UNC5D: variants seen among roughly 807,000 people sequenced by gnomAD.
The protein encoded by UNC5D is unc-5 netrin receptor D.
Under a neutral mutation model 105.4 loss-of-function variants are expected in UNC5D, and 39 were observed. That is an observed-to-expected ratio of 0.37 (90% confidence interval 0.29 to 0.48). UNC5D has a LOEUF of 0.48. Ranked by LOEUF, UNC5D falls within the 20% of genes least tolerant of loss-of-function variation. The probability of loss-of-function intolerance (pLI) is 0.98; values close to 1 mark genes in which losing one functional copy is unlikely to be tolerated. For missense variants in UNC5D, 991 were observed against 1,202.4 expected, an observed-to-expected ratio of 0.82 and a Z score of 2.60; for synonymous variants, 452 against 450.4, an observed-to-expected ratio of 1.00 and a Z score of -0.04.
At chr8:35,350,442 C>T (rs1035919200) in intron 1 of UNC5D, among the ~76,000 whole-genome samples, 1 of 151,940 alleles carries the variant, frequency 6.6e-6, no homozygotes, top group Admixed American at 6.6e-5. Flanking sequence ...AAGTGCCTAG[C>T]ATGTAGTAGG....
At chr8:35,732,129 G>T (rs1486109652) in intron 11 of UNC5D, among the ~76,000 whole-genome samples, 1 of 152,072 alleles carries the variant, frequency 6.6e-6, no homozygotes, top group Non-Finnish European at 1.5e-5. Context: ...GATTATTTTT[G>T]TTGTTGTTAG....
intron 1 of UNC5D, among the ~76,000 whole-genome samples, chr8:35,541,109 G>T (rs2130630156): frequency 6.6e-6 from 1 of 152,288 alleles, no homozygotes; most frequent in South Asian, 2.1e-4. Flanking sequence ...ATTGAGCAAA[G>T]AACTGTTCAC....
chr8:35,457,662 C>T (rs1231217218), intron 1 of UNC5D, among the ~76,000 whole-genome samples: 3 of 152,044 alleles, frequency 2.0e-5, no homozygotes. Context: ...TTGAATTGTG[C>T]CCTAATGCCC....
chr8:35,384,160 A>T (rs1283316242), intron 1 of UNC5D, among the ~76,000 whole-genome samples: 1 of 151,328 alleles, frequency 6.6e-6, no homozygotes, highest in African/African-American at 2.4e-5. Context: ...GCGGAGTTGC[A>T]GTAAGCCGAG....
chr8:35,510,329 A>C (rs974216475), intron 1 of UNC5D, among the ~76,000 whole-genome samples: 2 of 151,656 alleles, frequency 1.3e-5, no homozygotes, highest in African/African-American at 4.9e-5. Flanking sequence ...AAAAAAAAAA[A>C]AAACACTTTG....
intron 1 of UNC5D, among the ~76,000 whole-genome samples, chr8:35,327,659 A>C (rs1810276035): frequency 1.3e-5 from 2 of 152,164 alleles, no homozygotes; most frequent in Admixed American, 1.3e-4. Flanking sequence ...GTTGATCCCT[A>C]AACTGCTTAA....
At chr8:35,369,598 C>A (rs1052889343) in intron 1 of UNC5D, among the ~76,000 whole-genome samples, 7 of 152,136 alleles carry the variant, frequency 4.6e-5, no homozygotes, top group African/African-American at 1.7e-4. Context: ...GGGACTTAGT[C>A]TAGTTGGCCA....
At chr8:35,653,875 C>T (rs1242834934) in intron 4 of UNC5D, among the ~76,000 whole-genome samples, 1 of 152,084 alleles carries the variant, frequency 6.6e-6, no homozygotes, top group Non-Finnish European at 1.5e-5. Context: ...TATCATCAGT[C>T]TTTGCAAATC....
chr8:35,378,333 C>T (rs1208135378), intron 1 of UNC5D, among the ~76,000 whole-genome samples: 2 of 152,186 alleles, frequency 1.3e-5, no homozygotes, highest in Non-Finnish European at 2.9e-5. Flanking sequence ...TCTTGCCGTA[C>T]TTCCCTGGAG....
chr8:35,777,990 C>T (rs1323271952), intron 16 of UNC5D, among the ~76,000 whole-genome samples: 1 of 152,126 alleles, frequency 6.6e-6, no homozygotes, highest in Non-Finnish European at 1.5e-5. Flanking sequence ...ACTATGATCA[C>T]ACTAAACTAA....
At chr8:35,443,340 G>C (rs1028992696) in intron 1 of UNC5D, among the ~76,000 whole-genome samples, 11 of 151,696 alleles carry the variant, frequency 7.3e-5, no homozygotes, top group African/African-American at 2.7e-4. Flanking sequence ...AGGGCATGGA[G>C]ATCATTCTGT....
intron 4 of UNC5D, among the ~76,000 whole-genome samples, chr8:35,601,023 G>C (rs1415434190): frequency 6.6e-6 from 1 of 152,040 alleles, no homozygotes; most frequent in African/African-American, 2.4e-5. Context: ...CATATGGCTA[G>C]CCAGTTTTCC....
intron 1 of UNC5D, among the ~76,000 whole-genome samples, chr8:35,413,745 C>A (rs1193196953): frequency 6.6e-6 from 1 of 152,024 alleles, no homozygotes; most frequent in Non-Finnish European, 1.5e-5. Flanking sequence ...ATGCCATGTA[C>A]AAGTACTGAG....
intron 12 of UNC5D, 41 bp downstream of exon 12, chr8:35,748,736 G>A (rs772983852): frequency 1.9e-6 from 3 of 1,597,590 alleles, no homozygotes; most frequent in Middle Eastern, 1.7e-4. Context: ...TGGGATTTGG[G>A]TTCCACCTAT....
chr8:35,556,956 T>C (rs192330538), intron 2 of UNC5D, among the ~76,000 whole-genome samples: 12 of 152,252 alleles, frequency 7.9e-5, no homozygotes, highest in Admixed American at 7.2e-4. Flanking sequence ...ATACAAGTGG[T>C]ACAATATATG....
At chr8:35,375,026 A>G (rs963677827) in intron 1 of UNC5D, among the ~76,000 whole-genome samples, 19 of 152,210 alleles carry the variant, frequency 1.2e-4, no homozygotes, top group African/African-American at 4.6e-4. Flanking sequence ...AAAATCCTAT[A>G]TAATAGAAAA....
At chr8:35,321,603 CA>C (rs1398913295) in intron 1 of UNC5D, among the ~76,000 whole-genome samples, 14 of 152,188 alleles carry the variant, frequency 9.2e-5, no homozygotes, top group African/African-American at 3.4e-4. Context: ...ATCACCCAGT[CA>C]TGGGCATTTC....
At chr8:35,267,373 T>G (rs547502521) in intron 1 of UNC5D, among the ~76,000 whole-genome samples, 16 of 152,286 alleles carry the variant, frequency 1.1e-4, no homozygotes, top group African/African-American at 3.1e-4. Context: ...AGAACAAGAC[T>G]GTTAAATTAG....
At chr8:35,388,769 C>G (rs2128938905) in intron 1 of UNC5D, among the ~76,000 whole-genome samples, 1 of 152,242 alleles carries the variant, frequency 6.6e-6, no homozygotes, top group East Asian at 1.9e-4. Flanking sequence ...TGTCATTTTC[C>G]TAAATAGTTG....
Sources: allele counts gnomAD v4.1 joint callset (sites outside exome capture counted in the v4.1 genomes callset), GRCh38; gene constraint gnomAD v4.1.1; transcripts MANE v1.5; gene names NCBI Gene and HGNC (gene_info 2026-07-23, HGNC 2026-07-21).